Variants in PCNX1 observed in about 807,000 individuals in gnomAD.
The protein encoded by PCNX1 is pecanex 1.
In PCNX1, 78 loss-of-function variants were observed where a neutral mutation model predicts 242.2. That is an observed-to-expected ratio of 0.32 (90% CI 0.27 to 0.39). The LOEUF (loss-of-function observed/expected upper bound fraction) is 0.39, where lower values mean the gene tolerates loss of function less well. Ranked by LOEUF, PCNX1 falls within the 10% of genes least tolerant of loss-of-function variation. PCNX1 has a pLI of 1.00. For missense variants in PCNX1, 2,581 were observed against 2,856.5 expected (o/e 0.90, Z 2.20); for synonymous variants, 1,024 against 1,032.9 (o/e 0.99, Z 0.17).
chr14:70,981,004 A>C (rs748916498), intron 6 of PCNX1, among the ~76,000 whole-genome samples: 3 of 152,180 alleles, frequency 2.0e-5, no homozygotes, highest in Non-Finnish European at 4.4e-5. Flanking sequence ...TTAAAGTACT[A>C]AAATAAAGTA....
chr14:71,062,746 C>T (rs1007270899), intron 26 of PCNX1, among the ~76,000 whole-genome samples: 8 of 152,172 alleles, frequency 5.3e-5, no homozygotes, highest in African/African-American at 1.7e-4. Context: ...ACAGTAACAC[C>T]CTAGGCCTTC....
chr14:71,004,731 A>C (rs2059605433), intron 8 of PCNX1, among the ~76,000 whole-genome samples: 1 of 152,222 alleles, frequency 6.6e-6, no homozygotes, highest in South Asian at 2.1e-4. Flanking sequence ...GGGGGGTGCT[A>C]TCCAAGAAAT....
intron 22 of PCNX1, among the ~76,000 whole-genome samples, chr14:71,049,783 C>T (rs555291064): frequency 2.0e-5 from 3 of 152,074 alleles, no homozygotes; most frequent in Non-Finnish European, 4.4e-5. Flanking sequence ...AAGTTAAGTT[C>T]GTTTGTAAAT....
chr14:70,936,124 AT>A (rs1566587095), intron 1 of PCNX1, among the ~76,000 whole-genome samples: 2 of 152,216 alleles, frequency 1.3e-5, no homozygotes. Flanking sequence ...TAGGAATTTT[AT>A]TTTTATTTTT....
rs2058526155 is a variant in PCNX1, at chr14:70,971,115, G to GGTTT, written c.604+2005_604+2006insGTTT. Among the ~76,000 whole-genome samples, 3 of 14,510 alleles carry GGTTT rather than the reference G, an allele frequency of 2.1e-4. 1 individual carries two copies. Among genetic ancestry groups the GGTTT allele is most frequent in the Non-Finnish European group, 3.6e-4 (3 of 8,254 alleles). 9.5% of individuals were successfully genotyped at this position (14,510 alleles called of 152,430 possible). On this transcript the variant is annotated intron_variant, in intron 5 of 35. Transcript: ENST00000304743. ...AATCTATGCTATACTACTTTATATA[G>GGTTT]TTTTTTTTTTTTTTTTTTTTTTTTT...
At position 70,907,742 on chromosome 14, in the gene PCNX1, C is replaced by T; in HGVS notation, c.-109C>T. The T allele has an allele frequency of 8.6e-7, 1 of 1,157,948 alleles. No homozygotes were observed. Among genetic ancestry groups the T allele is most frequent in the South Asian group, 4.2e-5 (1 of 23,668 alleles). The allele number at this position is 1,157,948 out of a possible 1,614,324, so 71.7% of individuals were successfully genotyped here. A position where few individuals can be genotyped will look rare whatever the true frequency, so the allele number is the denominator to read the frequency against. ...GCGCCGGCTCGCTCACCCGGAGCTC[C>T]GGAGGTGGATAGACGGGGCAGCTGC... is the stretch of plus-strand genomic sequence containing the variant. On this transcript the variant is annotated 5_prime_UTR_variant, in exon 1 of 36. Transcript: ENST00000304743.
rs539249890 is a variant in PCNX1, at chr14:70,910,760, C to T, written c.153+2757C>T. ...CTCTGAGAGGGCAGGAACTTAGTTT[C>T]GTTCACTGCTGTATTTTTAGGACCT... On this transcript the variant is annotated intron_variant, in intron 1 of 35. Transcript: ENST00000304743. 1.3e-3 allele frequency among the ~76,000 whole-genome samples: 195 copies of T among 152,274 alleles called. 7 individuals carry two copies. The South Asian group carries it at 0.037, about 29-fold the overall frequency.
intron 26 of PCNX1, among the ~76,000 whole-genome samples, chr14:71,070,336 C>T (rs1476420077): frequency 6.6e-6 from 1 of 152,206 alleles, no homozygotes; most frequent in African/African-American, 2.4e-5. Context: ...TCCCATGAAT[C>T]ATGAATGTCC....
intron 12 of PCNX1, among the ~76,000 whole-genome samples, chr14:71,022,055 C>T (rs2060118043): frequency 6.6e-6 from 1 of 152,132 alleles, no homozygotes; most frequent in African/African-American, 2.4e-5. Context: ...GCAAATTAAT[C>T]ATCTCCTGGT....
chr14:70,941,237 C>G (rs943697826), intron 1 of PCNX1, among the ~76,000 whole-genome samples: 4 of 152,200 alleles, frequency 2.6e-5, no homozygotes, highest in African/African-American at 9.7e-5. Flanking sequence ...CTTTTCTGCT[C>G]TGGTTTCTCC....
chr14:70,969,212 A>T (rs955355180), intron 5 of PCNX1, 102 bp downstream of exon 5: 5 of 720,798 alleles, frequency 6.9e-6, no homozygotes, highest in Non-Finnish European at 1.3e-5. Context: ...TAACAATTTA[A>T]TATGATATTT....
intron 5 of PCNX1, among the ~76,000 whole-genome samples, chr14:70,975,102 A>T (rs2058655102): frequency 1.3e-5 from 2 of 152,154 alleles, no homozygotes; most frequent in Non-Finnish European, 2.9e-5. Context: ...ACCTTTTGTT[A>T]TCTTAGATTT....
At chr14:71,098,553 T>TGTGTGTGTGTGTGAGAGAGAGA (rs60367565) in intron 30 of PCNX1, among the ~76,000 whole-genome samples, 3 of 125,668 alleles carry the variant, frequency 2.4e-5, no homozygotes, top group African/African-American at 6.3e-5. Context: ...TGTGTGTGTG[T>TGTGTGTGTGTGTGAGAGAGAGA]GAGAGAGAGA....
At chr14:71,021,108 C>G (rs2060088296) in intron 12 of PCNX1, among the ~76,000 whole-genome samples, 2 of 152,068 alleles carry the variant, frequency 1.3e-5, no homozygotes, top group East Asian at 3.9e-4. Flanking sequence ...CTGTTCTGTT[C>G]CATTGGTCTT....
At chr14:70,963,623 T>C (rs1194851330) in intron 3 of PCNX1, among the ~76,000 whole-genome samples, 1 of 152,230 alleles carries the variant, frequency 6.6e-6, no homozygotes, top group Admixed American at 6.5e-5. Context: ...TTGACTCTGA[T>C]TAGCATGTTC....
At chr14:71,076,033 G>C (rs910368746) in intron 27 of PCNX1, among the ~76,000 whole-genome samples, 156 bp from the exon 28 acceptor site, 2 of 151,886 alleles carry the variant, frequency 1.3e-5, no homozygotes, top group Non-Finnish European at 1.5e-5. Context: ...TATATATGTA[G>C]AATATTGAGG....
At chr14:71,017,259 C>T (rs1160645151) in intron 11 of PCNX1, among the ~76,000 whole-genome samples, 1 of 152,100 alleles carries the variant, frequency 6.6e-6, no homozygotes, top group Admixed American at 6.6e-5. Flanking sequence ...AAAGAAAACT[C>T]TAGGCCCAGA....
chr14:70,977,335 C>A lies in PCNX1; in HGVS notation c.998C>A (p.Ser333Tyr). ...TCCAAAGAATCCTTGGTGGAAAATT[C>A]TGGTTTATCTGGGGAATTTCAGCTT... ...SGSKESLVEN[S>Y]GLSGEFQLAG... Residue 333 changes from serine (S) to tyrosine (Y), a missense_variant, in exon 6 of 36, where the codon TCT (serine) becomes TAT (tyrosine). By Grantham distance (144) the Ser-to-Tyr change is moderately radical. Around this residue, in one of 9 missense-constraint regions of PCNX1, gnomAD observed 1,204 missense variants for 1,216.7 expected, o/e 0.99. Coordinates refer to ENST00000304743, the MANE Select transcript of PCNX1 (RefSeq NM_014982.3). 6.2e-7 allele frequency: 1 copy of A among 1,614,152 alleles called. No individual in the cohort carries two copies. The highest frequency in any genetic ancestry group is 2.2e-5 in the East Asian group (1 of 44,886).
At chr14:70,911,514 A>G (rs2055907886) in intron 1 of PCNX1, among the ~76,000 whole-genome samples, 1 of 152,128 alleles carries the variant, frequency 6.6e-6, no homozygotes, top group South Asian at 2.1e-4. Context: ...TAAGGTACTC[A>G]TTCTTTTTTA....
Sources: allele counts gnomAD v4.1 joint callset (sites outside exome capture counted in the v4.1 genomes callset), GRCh38; gene constraint gnomAD v4.1.1; regional missense constraint gnomAD v4.1.1; transcripts MANE v1.5; gene names NCBI Gene and HGNC (gene_info 2026-07-23, HGNC 2026-07-21).